The following DOCK9 variants were observed in gnomAD, a reference collection of about 807,000 sequenced individuals.
The protein encoded by DOCK9 is dedicator of cytokinesis 9.
In DOCK9, 89 loss-of-function variants were observed where a neutral mutation model predicts 263.3. The ratio of observed to expected loss-of-function variants is 0.34; its 90% CI spans 0.28 to 0.40. DOCK9 has a LOEUF of 0.40. Among genes scored for constraint, DOCK9 ranks in the 10% least tolerant of loss-of-function variants. DOCK9 has a pLI of 1.00. For missense variants in DOCK9, 2,140 were observed against 2,603.4 expected (o/e 0.82, Z 3.87); for synonymous variants, 976 against 973.1 (o/e 1.00, Z -0.06).
chr13:98,950,096 T>C lies in DOCK9; in HGVS notation c.243+5339A>G, dbSNP rs75697034. The stretch of plus-strand genomic sequence containing the variant: ...CTCTTTGGGGTGACTTTTACAAAGA[T>C]ACCACTGAAAATTTTCTTCAGGCAA... On this transcript the variant is annotated intron_variant, in intron 2 of 52. Transcript: ENST00000682017. 1,223 of 488,972 alleles carry C rather than the reference T, an allele frequency of 2.5e-3. 16 individuals carry two copies. The highest frequency in any genetic ancestry group is 0.021 in the African/African-American group (1,093 of 51,552). The allele number at this position is 488,972 out of a possible 1,614,324, so 30.3% of individuals were successfully genotyped here.
chr13:98,955,411 G>A (rs182773190), intron 2 of DOCK9, 24 bp downstream of exon 2: 126 of 1,483,606 alleles, frequency 8.5e-5, no homozygotes, highest in Admixed American at 4.5e-4. Flanking sequence ...GTGGTTCTAC[G>A]GATAGAAACA....
At chr13:98,816,845 T>C (rs1197746723) in intron 45 of DOCK9, among the ~76,000 whole-genome samples, 1 of 151,838 alleles carries the variant, frequency 6.6e-6, no homozygotes, top group African/African-American at 2.4e-5. Flanking sequence ...TACATGTAGT[T>C]TGAGGGCCTG....
chr13:98,904,543 A>C, intron 10 of DOCK9, 89 bp downstream of exon 10: 1 of 1,058,866 alleles, frequency 9.4e-7, no homozygotes, highest in Non-Finnish European at 1.3e-6. Context: ...TTCCAAAATA[A>C]ACAAAGCAAA....
chr13:98,873,539 C>G (rs532483256), intron 27 of DOCK9, among the ~76,000 whole-genome samples: 1 of 152,334 alleles, frequency 6.6e-6, no homozygotes, highest in South Asian at 2.1e-4. Context: ...ACCGTCATGG[C>G]TAACTCTGGC....
Position 99,028,654 on chromosome 13 carries a change from C to T in DOCK9, c.129+57569G>A, listed in dbSNP as rs149022924. Among the ~76,000 whole-genome samples, 16 of 152,220 alleles carry T rather than the reference C, an allele frequency of 1.1e-4. 1 individual carries two copies. Among genetic ancestry groups the T allele is most frequent in the Middle Eastern group, 3.4e-3 (1 of 294 alleles). On this transcript the variant is annotated intron_variant, in intron 1 of 32. Transcript: ENST00000427887. ...ACCTCTACAATTTAACTCTGGATAA[C>T]ACAACATTCAAGCAGAACTTTAATT...
chr13:98,996,378 A>C (rs1167694235), intron 1 of DOCK9, among the ~76,000 whole-genome samples: 4 of 152,222 alleles, frequency 2.6e-5, no homozygotes, highest in Non-Finnish European at 5.9e-5. Context: ...GCAATTCATC[A>C]CTAGCTGACT....
intron 1 of DOCK9, among the ~76,000 whole-genome samples, chr13:99,036,299 A>G (rs1887871702): frequency 6.6e-6 from 1 of 152,094 alleles, no homozygotes; most frequent in Non-Finnish European, 1.5e-5. Flanking sequence ...TTGGGAGGCA[A>G]TTAAGTCATG....
chr13:98,930,017 C>G lies in DOCK9; in HGVS notation c.333+151G>C, dbSNP rs950365900. The G allele has an allele frequency of 4.4e-6, 3 of 683,440 alleles. No homozygotes were observed. In the African/African-American group the frequency reaches 5.4e-5, roughly 12 times the overall value. The allele number at this position is 683,440 out of a possible 1,614,324, so 42.3% of individuals were successfully genotyped here. ...GACATTTCTGTCCAAGTTTCAGAGT[C>G]TGAAAAATTCACATTATTCTATTTG... On this transcript the variant is annotated intron_variant, in intron 3 of 52. Coordinates refer to ENST00000682017, the MANE Select transcript of DOCK9 (RefSeq NM_001366683.2).
chr13:98,805,321 T>C, intron 48 of DOCK9, 112 bp from the exon 49 acceptor site: 1 of 945,212 alleles, frequency 1.1e-6, no homozygotes, highest in Non-Finnish European at 1.6e-6. Context: ...GAGAGAAGAG[T>C]ACAACAAACA....
rs117430829 is a variant in DOCK9, at chr13:98,923,926, G to A, written c.417-555C>T. ...AATCAGGCTGACAGACGGCAGAGTC[G>A]TCTGAGGCAGAACACAGAATCTGTG... is the stretch of plus-strand genomic sequence containing the variant. On this transcript the variant is annotated intron_variant, in intron 4 of 52. Transcript: ENST00000682017. Among the ~76,000 whole-genome samples the A allele has an allele frequency of 1.3e-4, 20 of 152,236 alleles. No homozygotes were observed. In the East Asian group the frequency reaches 3.5e-3, roughly 27 times the overall value.
chr13:98,818,911 A>AT (rs1177625500), intron 45 of DOCK9, among the ~76,000 whole-genome samples: 2 of 152,092 alleles, frequency 1.3e-5, no homozygotes, highest in Non-Finnish European at 2.9e-5. Context: ...TTATTTAAAC[A>AT]TTTTTTCATT....
chr13:99,076,494 A>C (rs2041915575), intron 1 of DOCK9, among the ~76,000 whole-genome samples: 1 of 152,256 alleles, frequency 6.6e-6, no homozygotes, highest in African/African-American at 2.4e-5. Flanking sequence ...TCCTAAACTA[A>C]AACAAACACA....
intron 45 of DOCK9, among the ~76,000 whole-genome samples, chr13:98,822,888 A>G (rs9513493): frequency 0.96 from 146,608 of 152,084 alleles, 70,895 homozygotes; most frequent in East Asian, 1. Context: ...AATTTTGAGG[A>G]CCATTTGAGA....
At chr13:99,084,395 G>C (rs2042248513) in intron 1 of DOCK9, among the ~76,000 whole-genome samples, 1 of 152,208 alleles carries the variant, frequency 6.6e-6, no homozygotes, top group Admixed American at 6.5e-5. Context: ...TCCATCACAG[G>C]TTTCATCAGA....
upstream of DOCK9, among the ~76,000 whole-genome samples, chr13:98,979,501 TGAA>T (rs1380106166): frequency 6.6e-6 from 1 of 151,986 alleles, no homozygotes; most frequent in African/African-American, 2.4e-5. Flanking sequence ...ACTTCAAGAG[TGAA>T]GCTGAAGCTG....
In DOCK9 at chr13:98,902,387, C is replaced by G. The variant is rs2048424008; in HGVS notation, c.1281G>C (p.Met427Ile). 1 of 1,614,014 alleles carries G rather than the reference C, an allele frequency of 6.2e-7. No individual in the cohort carries two copies. Among genetic ancestry groups the G allele is most frequent in the Non-Finnish European group, 8.5e-7 (1 of 1,179,902 alleles). Residue 427 changes from methionine (M) to isoleucine (I), a missense_variant, in exon 12 of 53, where the codon ATG becomes ATC. Around this residue, in one of 2 missense-constraint regions of DOCK9, gnomAD observed 1,521 missense variants for 1,741.7 expected, o/e 0.87. Transcript: ENST00000682017. The stretch of plus-strand genomic sequence containing the variant: ...TCAGCGCCGGGGACGTGGTGGCGAG[C>G]ATTTGCCTCACTGAGAAATGGTTCA... ...VDLNHFSVRQ[M>I]LATTSPALMN...
intron 1 of DOCK9, among the ~76,000 whole-genome samples, chr13:99,016,339 C>T (rs1324204882): frequency 6.6e-6 from 1 of 152,224 alleles, no homozygotes; most frequent in African/African-American, 2.4e-5. Context: ...CACAACATTG[C>T]TGTGTCGATC....
At chr13:98,895,882 C>T (rs1398513429) in intron 15 of DOCK9, among the ~76,000 whole-genome samples, 1 of 152,070 alleles carries the variant, frequency 6.6e-6, no homozygotes, top group Non-Finnish European at 1.5e-5. Flanking sequence ...GATCCAGGGG[C>T]ACTCCCTGGC....
chr13:99,025,843 A>ATAT (rs1255201037), intron 1 of DOCK9, among the ~76,000 whole-genome samples: 1 of 152,256 alleles, frequency 6.6e-6, no homozygotes, highest in East Asian at 1.9e-4. Context: ...ATACAATGAA[A>ATAT]TATTATGTAC....
Sources: gnomAD v4.1 joint callset for allele counts (sites outside exome capture counted in the v4.1 genomes callset) on GRCh38, gnomAD v4.1.1 for gene constraint, gnomAD v4.1.1 regional missense constraint, MANE v1.5 for transcripts, NCBI Gene and HGNC (gene_info 2026-07-23, HGNC 2026-07-21) for gene names.